Variants in ESD observed in about 807,000 individuals in gnomAD.
ESD encodes the protein esterase D.
ESD carries 34 observed loss-of-function variants against 38.1 expected under a neutral mutation model. That is an observed-to-expected ratio of 0.89 (90% CI 0.68 to 1.19). The LOEUF (loss-of-function observed/expected upper bound fraction) is 1.19. Among genes scored for constraint, ESD ranks in the 50% most tolerant of loss-of-function variants. The pLI is 0.00. For synonymous variants in ESD, 97 were observed against 107.0 expected (o/e 0.91, Z 0.58); for missense variants, 334 against 327.2 (o/e 1.02, Z -0.16).
chr13:46,782,543 C>T, intron 6 of ESD, 124 bp downstream of exon 6: 6 of 979,870 alleles, frequency 6.1e-6, no homozygotes, highest in Non-Finnish European at 9.0e-6. Context: ...TACTAGCAAA[C>T]TTTGGAATTT....
intron 8 of ESD, among the ~76,000 whole-genome samples, chr13:46,779,560 T>C (rs950649691): frequency 1.3e-5 from 2 of 151,146 alleles, no homozygotes; most frequent in Non-Finnish European, 3.0e-5. Context: ...ATGCTCAACC[T>C]GTAATATGTG....
intron 5 of ESD, among the ~76,000 whole-genome samples, chr13:46,783,534 T>A (rs1294278592): frequency 9.0e-6 from 1 of 111,106 alleles, no homozygotes. Context: ...TAACAAAATT[T>A]TAGTTTCCCT....
At position 46,793,979 on chromosome 13, in the gene ESD, A is replaced by G. The variant is rs1402395014; in HGVS notation, c.-55-535T>C. ...AACGATGAAGTGACTGATATTCAGT[A>G]AGAAAAATATATATGGAAACTTACA... is the stretch of plus-strand genomic sequence containing the variant. On this transcript the variant is annotated intron_variant, in intron 1 of 9. Transcript: ENST00000378720. Among the ~76,000 whole-genome samples, 5 of 152,326 alleles carry G rather than the reference A, an allele frequency of 3.3e-5. No individual in the cohort carries two copies. The East Asian group carries it at 7.7e-4, about 24-fold the overall frequency.
At chr13:46,787,259 T>C (rs943549181) in intron 3 of ESD, 150 bp from the exon 4 acceptor site, 2 of 475,664 alleles carry the variant, frequency 4.2e-6, no homozygotes, top group Non-Finnish European at 7.4e-6. Context: ...TCCACTAACA[T>C]TTAACGAATA....
At chr13:46,795,298 A>G (rs1875535047) in intron 1 of ESD, among the ~76,000 whole-genome samples, 3 of 152,238 alleles carry the variant, frequency 2.0e-5, no homozygotes, top group African/African-American at 7.2e-5. Context: ...TGGTCAACGG[A>G]TCCCTACCAA....
In ESD at chr13:46,774,196, T is replaced by A. The variant is rs145838776; in HGVS notation, c.769-2700A>T. On this transcript the variant is annotated intron_variant, in intron 9 of 9. Transcript: ENST00000378720. Reference sequence around the variant, plus strand: ...AAGTCCCAAGGTAAACCCAGGAATATATTGCAAGACAAGACATCTAAAATC... The same window carrying A: ...AAGTCCCAAGGTAAACCCAGGAATAAATTGCAAGACAAGACATCTAAAATC... 2.3e-3 allele frequency among the ~76,000 whole-genome samples: 349 copies of A among 152,218 alleles called. 3 individuals carry two copies. The highest frequency in any genetic ancestry group is 7.6e-3 in the African/African-American group (315 of 41,540).
chr13:46,782,655 A>T lies in ESD; in HGVS notation c.381+12T>A, dbSNP rs764817848. The T allele has an allele frequency of 6.2e-6, 10 of 1,610,482 alleles. No homozygotes were observed. The highest frequency in any genetic ancestry group is 8.5e-6 in the Non-Finnish European group (10 of 1,177,980). ...AGTCATCAATTAATAATTACAATACAAATTAAATTACCTCCTCTGTGACAT... is the reference window on the plus strand; with the variant it reads ...AGTCATCAATTAATAATTACAATACTAATTAAATTACCTCCTCTGTGACAT... On this transcript the variant is annotated intron_variant, in intron 6 of 9. Coordinates refer to ENST00000378720, the MANE Select transcript of ESD (RefSeq NM_001984.2).
At chr13:46,789,756 GTTTTGTCA>G (rs1258285246) in intron 3 of ESD, among the ~76,000 whole-genome samples, 3 of 151,820 alleles carry the variant, frequency 2.0e-5, no homozygotes, top group African/African-American at 7.3e-5. Context: ...ATTCTATTGA[GTTTTGTCA>G]TTTCTACTAC....
intron 3 of ESD, among the ~76,000 whole-genome samples, chr13:46,791,017 A>G (rs1875377711): frequency 6.6e-6 from 1 of 152,176 alleles, no homozygotes; most frequent in Non-Finnish European, 1.5e-5. Context: ...ATCTTTCTCA[A>G]AAAGTCCAGG....
rs15303 is a variant in ESD at position 46,771,495 on chromosome 13, C to A, written c.770G>T (p.Gly257Val). ...AATGAAGTAGTAGCTATGATCATAA[C>A]CCTAGAAGATAAAGAGATGATAAGA... ...KIPVVFRLQE[G>V]YDHSYYFIAT... Residue 257 changes from glycine to valine, a missense_variant and splice_region_variant, in exon 10 of 10, where the codon GGT (glycine) becomes GTT (valine). Coordinates refer to ENST00000378720, the MANE Select transcript of ESD (RefSeq NM_001984.2). The A allele has an allele frequency of 6.3e-7, 1 of 1,581,020 alleles. No homozygotes were observed. The highest frequency in any genetic ancestry group is 1.4e-5 in the African/African-American group (1 of 74,024).
At chr13:46,772,270 T>G (rs1874632764) in intron 9 of ESD, among the ~76,000 whole-genome samples, 1 of 152,186 alleles carries the variant, frequency 6.6e-6, no homozygotes, top group South Asian at 2.1e-4. Flanking sequence ...TGCTAAGCAG[T>G]TAAGTTGAAA....
chr13:46,772,959 C>A (rs1006337792), intron 9 of ESD, among the ~76,000 whole-genome samples: 8 of 152,178 alleles, frequency 5.3e-5, no homozygotes, highest in African/African-American at 1.9e-4. Context: ...GCTGGGATTA[C>A]AGGCGTGAGC....
chr13:46,771,535 T>G (rs373763834), intron 9 of ESD, 39 bp from the exon 10 acceptor site: 139 of 1,229,062 alleles, frequency 1.1e-4, no homozygotes, highest in Non-Finnish European at 1.4e-4. Context: ...TATCTACCAT[T>G]CAGGAACATC....
chr13:46,777,265 T>C (rs930830024), intron 9 of ESD, 191 bp downstream of exon 9: 6 of 401,650 alleles, frequency 1.5e-5, no homozygotes, highest in Non-Finnish European at 2.6e-5. Context: ...AAAGCTTTCC[T>C]ATTTCTATCA....
intron 6 of ESD, 42 bp from the exon 7 acceptor site, chr13:46,781,657 A>G (rs777572363): frequency 1.2e-5 from 19 of 1,555,264 alleles, no homozygotes; most frequent in Middle Eastern, 1.7e-4. Context: ...ATCAAAGAAA[A>G]TAAGTTCAGA....
In ESD at chr13:46,791,349, T is replaced by A; in HGVS notation, c.65A>T (p.Asp22Val). 1 of 1,610,566 alleles carries A rather than the reference T, an allele frequency of 6.2e-7. No homozygotes were observed. Among genetic ancestry groups the A allele is most frequent in the Non-Finnish European group, 8.5e-7 (1 of 1,177,572 alleles). Residue 22 changes from aspartate (D) to valine (V), a missense_variant, in exon 3 of 10, where the codon GAC (aspartate) becomes GTC (valine). By Grantham distance (152) the Asp-to-Val change is radical (BLOSUM62 -3). Coordinates refer to ENST00000378720, the MANE Select transcript of ESD (RefSeq NM_001984.2). ...FGGLQKVFEH[D>V]SVELNCKMKF... ...ATTATATCTTCTTAATAGTTACCTGTCATGTTCAAAAACTTTCTGCAATCC... is the reference window on the plus strand; with the variant it reads ...ATTATATCTTCTTAATAGTTACCTGACATGTTCAAAAACTTTCTGCAATCC...
At chr13:46,797,661 A>G (rs544241417), upstream of ESD, among the ~76,000 whole-genome samples, 59 of 152,298 alleles carry the variant, frequency 3.9e-4, no homozygotes, top group Middle Eastern at 3.4e-3. Context: ...ACGCAGTGGG[A>G]ACTCCATCAG....
At chr13:46,778,653 A>T (rs1472963034) in intron 8 of ESD, among the ~76,000 whole-genome samples, 1 of 151,816 alleles carries the variant, frequency 6.6e-6, no homozygotes, top group African/African-American at 2.4e-5. Flanking sequence ...TGGATGTGAA[A>T]GGGTCACCAT....
chr13:46,777,885 A>T (rs2138287099), intron 8 of ESD, among the ~76,000 whole-genome samples: 1 of 151,910 alleles, frequency 6.6e-6, no homozygotes, highest in South Asian at 2.1e-4. Context: ...AGGGATTCTT[A>T]AGAAAATGGC....
Sources: allele counts gnomAD v4.1 joint callset (sites outside exome capture counted in the v4.1 genomes callset), GRCh38; gene constraint gnomAD v4.1.1; transcripts MANE v1.5; gene names NCBI Gene and HGNC (gene_info 2026-07-23, HGNC 2026-07-21).